The following GOLGA8M variants were observed in gnomAD, a reference collection of about 807,000 sequenced individuals.
GOLGA8M encodes golgin A8 family member M.
GOLGA8M carries 34 observed loss-of-function variants against 87.7 expected under a neutral mutation model. The observed-to-expected ratio is 0.39, with a 90% CI of 0.29 to 0.52. The LOEUF is 0.52. Ranked by LOEUF, GOLGA8M falls within the 20% of genes least tolerant of loss-of-function variation. The pLI, the probability that GOLGA8M is intolerant of heterozygous loss-of-function variation, is 0.80. For synonymous variants in GOLGA8M, 138 were observed against 250.2 expected (o/e 0.55, Z 4.23); for missense variants, 396 against 682.2 (o/e 0.58, Z 4.67).
chr15:28,707,696 C>T, intron 8 of GOLGA8M, 52 bp downstream of exon 8: 1 of 1,529,554 alleles, frequency 6.5e-7, no homozygotes, highest in Non-Finnish European at 8.8e-7. Context: ...AGGCTCACTC[C>T]TCCATCTGCA....
chr15:28,706,730 T>C, intron 8 of GOLGA8M, 31 bp from the exon 9 acceptor site: 2 of 1,438,580 alleles, frequency 1.4e-6, no homozygotes, highest in Non-Finnish European at 1.9e-6. Flanking sequence ...AGTTTCAATC[T>C]GGAGAGCCTG....
intron 13 of GOLGA8M, 57 bp downstream of exon 13, chr15:28,705,102 G>T (rs751248093): frequency 3.4e-5 from 54 of 1,591,984 alleles, no homozygotes; most frequent in Middle Eastern, 2.2e-4. Flanking sequence ...CTCCCCAGAG[G>T]CTGCTGCCCG....
At chr15:28,707,697 T>A in intron 8 of GOLGA8M, 51 bp downstream of exon 8, 1 of 1,530,502 alleles carries the variant, frequency 6.5e-7, no homozygotes, top group Non-Finnish European at 8.8e-7. Flanking sequence ...GGCTCACTCC[T>A]CCATCTGCAA....
rs972826041 is a variant in GOLGA8M, at chr15:28,701,668, C to T, written c.*286G>A. Among the ~76,000 whole-genome samples, 2 of 152,102 alleles carry T rather than the reference C, an allele frequency of 1.3e-5. No individual in the cohort carries two copies. The highest frequency in any genetic ancestry group is 2.9e-5 in the Non-Finnish European group (2 of 68,038). The stretch of plus-strand genomic sequence containing the variant: ...AAGAGTGGGTCTTTGTGTGTTTGAA[C>T]TTCCACCACGTAAGGGCAAACTCGA... On this transcript the variant is annotated 3_prime_UTR_variant, in exon 19 of 19. Transcript: ENST00000563027.
rs1032072560 is a variant in GOLGA8M, at chr15:28,699,051, A to G, written c.*2903T>C. ...TTCAGAACATTAAGATAGCAGTTAC[A>G]TATTTTAATAGTTATATTATTTTAA... On this transcript the variant is annotated 3_prime_UTR_variant, in exon 19 of 19. Coordinates refer to ENST00000563027, the MANE Select transcript of GOLGA8M (RefSeq NM_001282468.3). Among the ~76,000 whole-genome samples, 9 of 150,082 alleles carry G rather than the reference A, an allele frequency of 6.0e-5. No individual in the cohort carries two copies. The highest frequency in any genetic ancestry group is 1.7e-4 in the African/African-American group (7 of 40,616).
Position 28,699,217 on chromosome 15 carries a change from T to A in GOLGA8M, c.*2737A>T, listed in dbSNP as rs2079745667. 7.1e-6 allele frequency among the ~76,000 whole-genome samples: 1 copy of A among 141,838 alleles called. No individual in the cohort carries two copies. Among genetic ancestry groups the A allele is most frequent in the Non-Finnish European group, 1.5e-5 (1 of 67,620 alleles). The allele number at this position is 141,838 out of a possible 152,430, so 93.1% of individuals were successfully genotyped here. A position where few individuals can be genotyped will look rare whatever the true frequency, so the allele number is the denominator to read the frequency against. ...ATTATCAGGTTGAATCAAATACTTT[T>A]AAAATGATTATTATATATTGCCATC... On this transcript the variant is annotated 3_prime_UTR_variant, in exon 19 of 19. Transcript: ENST00000563027.
chr15:28,712,143 G>A, intron 1 of GOLGA8M, 133 bp downstream of exon 1: 1 of 1,535,920 alleles, frequency 6.5e-7, no homozygotes, highest in South Asian at 1.2e-5. Context: ...ACTTTGATGG[G>A]GGTAGCCCAA....
chr15:28,703,603 G>C, intron 14 of GOLGA8M, 193 bp from the exon 15 acceptor site: 2 of 581,906 alleles, frequency 3.4e-6, no homozygotes, highest in Non-Finnish European at 5.9e-6. Flanking sequence ...ACTACTGGTC[G>C]ATGTGGGAGT....
Position 28,699,391 on chromosome 15 carries a change from G to A in GOLGA8M, c.*2563C>T, listed in dbSNP as rs2079747689. Among the ~76,000 whole-genome samples, 1 of 148,528 alleles carries A rather than the reference G, an allele frequency of 6.7e-6. No homozygotes were observed. On this transcript the variant is annotated 3_prime_UTR_variant, in exon 19 of 19. Transcript: ENST00000563027. ...GCTGCCTTATACAGAATGAGGAAGA[G>A]CACAAATACTCGGCTGAATGAGGTA... is the stretch of plus-strand genomic sequence containing the variant.
rs1430706387 is a variant in GOLGA8M, at chr15:28,704,751, T to C, written c.1200+408A>G. On this transcript the variant is annotated intron_variant, in intron 13 of 18. Transcript: ENST00000563027. ...CACCACAATGTCCTGCTAATTTTTT[T>C]TTTTTTTGTAATTTTAGTAGAGATG... Among the ~76,000 whole-genome samples the C allele has an allele frequency of 2.1e-5, 3 of 145,818 alleles. 1 individual carries two copies. The highest frequency in any genetic ancestry group is 4.4e-5 in the Non-Finnish European group (3 of 67,690).
rs748095273 is a variant in GOLGA8M at position 28,702,289 on chromosome 15, C to T, written c.1648G>A (p.Ala550Thr). The change falls in exon 18 of 19, where the codon GCC becomes ACC. Residue 550 changes from alanine (A) to threonine (T), a missense_variant. Ala to Thr is a moderately conservative substitution (Grantham distance 58). Transcript: ENST00000563027. Reference sequence around the variant, plus strand: ...CCGGGCTCATCAGCAGAGTTGTGGGCAGCGGCCAGGAATTTTCTGTGCCCA... The same window carrying T: ...CCGGGCTCATCAGCAGAGTTGTGGGTAGCGGCCAGGAATTTTCTGTGCCCA... ...NNGHRKFLAA[A>T]HNSADEPGPG... The T allele has an allele frequency of 3.9e-6, 6 of 1,544,374 alleles. No individual in the cohort carries two copies. In the Admixed American group the frequency reaches 7.8e-5, roughly 20 times the overall value.
chr15:28,704,062 A>C, intron 13 of GOLGA8M, 145 bp from the exon 14 acceptor site: 2 of 1,535,892 alleles, frequency 1.3e-6, no homozygotes, highest in South Asian at 1.2e-5. Context: ...GCTTCCTGCT[A>C]CTGCAGCTGG....
intron 13 of GOLGA8M, 111 bp from the exon 14 acceptor site, chr15:28,704,028 A>T (rs879116838): frequency 1.3e-6 from 2 of 1,552,496 alleles, no homozygotes; most frequent in East Asian, 6.0e-5. Flanking sequence ...TTGGCAGGCC[A>T]TATCGGCCAC....
chr15:28,702,449 A>G lies in GOLGA8M; in HGVS notation c.1567+16T>C. On this transcript the variant is annotated intron_variant, in intron 17 of 18. Coordinates refer to ENST00000563027, the MANE Select transcript of GOLGA8M (RefSeq NM_001282468.3). ...CACCCCCACCCCCACCCCCACAGAGATGTTGCACACCCTACCTTCATCTCC... is the reference window on the plus strand; with the variant it reads ...CACCCCCACCCCCACCCCCACAGAGGTGTTGCACACCCTACCTTCATCTCC... 1 of 607,874 alleles carries G rather than the reference A, an allele frequency of 1.6e-6. No individual in the cohort carries two copies. Among genetic ancestry groups the G allele is most frequent in the Non-Finnish European group, 2.6e-6 (1 of 382,268 alleles). The allele number at this position is 607,874 out of a possible 1,614,324, so 37.7% of individuals were successfully genotyped here. A position where few individuals can be genotyped will look rare whatever the true frequency, so the allele number is the denominator to read the frequency against.
chr15:28,706,989 T>G (rs1048767998), intron 8 of GOLGA8M, among the ~76,000 whole-genome samples: 1 of 142,826 alleles, frequency 7.0e-6, no homozygotes, highest in African/African-American at 2.7e-5. Flanking sequence ...CTTCACCAGA[T>G]ACCATGCTAA....
In GOLGA8M at chr15:28,699,012, A is replaced by G. The variant is rs1041832204; in HGVS notation, c.*2942T>C. 2.7e-5 allele frequency among the ~76,000 whole-genome samples: 4 copies of G among 147,276 alleles called. No individual in the cohort carries two copies. Among genetic ancestry groups the G allele is most frequent in the African/African-American group, 1.0e-4 (4 of 39,210 alleles). The stretch of plus-strand genomic sequence containing the variant: ...TATACTACAGTATTCATATTTTAAA[A>G]TGTTTTAAATTATTTCAGAACATTA... On this transcript the variant is annotated 3_prime_UTR_variant, in exon 19 of 19. Transcript: ENST00000563027.
chr15:28,702,197 C>G lies in GOLGA8M; in HGVS notation c.1723+17G>C, dbSNP rs540204554. The G allele has an allele frequency of 3.8e-6, 6 of 1,590,180 alleles. No homozygotes were observed. Among genetic ancestry groups the G allele is most frequent in the African/African-American group, 1.4e-5 (1 of 73,080 alleles). ...CCCTCTTCCTGCCTGCCCACACCAC[C>G]TGAGGGCTGTACTCACCACCATGCT... On this transcript the variant is annotated intron_variant, in intron 18 of 18. Coordinates refer to ENST00000563027, the MANE Select transcript of GOLGA8M (RefSeq NM_001282468.3).
chr15:28,704,945 C>T (rs1345132056), intron 13 of GOLGA8M: 2 of 896,628 alleles, frequency 2.2e-6, no homozygotes, highest in African/African-American at 3.5e-5. Context: ...ATGCCTCTAG[C>T]TAGGATGATG....
In GOLGA8M at chr15:28,706,495, T is replaced by C. The variant is rs1342836985; in HGVS notation, c.690A>G (p.Ser230=). ...CTCTTTCTAATTGGACTTGTTGAAA[T>C]GACTCCTTCAACTGCAAGAATGGGC... ...LKVQLTQLKE[S]FQQVQLERDE... The change falls in exon 10 of 19, where the codon TCA becomes TCG. Residue 230 remains serine (S), a synonymous_variant. Coordinates refer to ENST00000563027, the MANE Select transcript of GOLGA8M (RefSeq NM_001282468.3). The C allele has an allele frequency of 1.5e-6, 2 of 1,332,998 alleles. No individual in the cohort carries two copies. The highest frequency in any genetic ancestry group is 2.4e-5 in the East Asian group (1 of 41,736). 82.6% of individuals were successfully genotyped at this position (1,332,998 alleles called of 1,614,324 possible).
Sources: gnomAD v4.1 joint callset for allele counts (sites outside exome capture counted in the v4.1 genomes callset) on GRCh38, gnomAD v4.1.1 for gene constraint, MANE v1.5 for transcripts, NCBI Gene and HGNC (gene_info 2026-07-23, HGNC 2026-07-21) for gene names.